INTU: variants seen among roughly 807,000 people sequenced by gnomAD.
INTU encodes the protein inturned planar cell polarity protein, also known as protein inturned.
Under a neutral mutation model 100.5 loss-of-function variants are expected in INTU, and 68 were observed. The ratio of observed to expected loss-of-function variants is 0.68; its 90% CI spans 0.56 to 0.83. INTU has a LOEUF of 0.83. INTU is among the 40% of genes least tolerant of loss of function. INTU has a pLI of 0.00. For synonymous variants in INTU, 357 were observed against 395.7 expected, an observed-to-expected ratio of 0.90 and a Z score of 1.16; for missense variants, 1,071 against 1,114.7, an observed-to-expected ratio of 0.96 and a Z score of 0.56.
Position 127,663,425 on chromosome 4 carries a change from G to A in INTU, c.813G>A (p.Thr271=), listed in dbSNP as rs4833380. 0.56 allele frequency: 898,923 copies of A among 1,610,662 alleles called. 254,856 individuals carry two copies. Among genetic ancestry groups the A allele is most frequent in the African/African-American group, 0.73 (54,664 of 74,892 alleles). Residue 271 remains threonine (T), a synonymous_variant, in exon 4 of 16, where the codon ACG becomes ACA. Coordinates refer to ENST00000335251, the MANE Select transcript of INTU (RefSeq NM_015693.4). The part of the protein sequence containing the change: ...FENAYDVKRE[T]SHPRQKKTQS... ...ATGCATATGATGTGAAAAGGGAGAC[G>A]TCCCATCCAAGACAGAAAAAGACAC...
In INTU at chr4:127,720,163, G is replaced by A. The variant is rs1731324740; in HGVS notation, c.*3727G>A. On this transcript the variant is annotated 3_prime_UTR_variant, in exon 16 of 16. Transcript: ENST00000335251. Reference sequence around the variant, plus strand: ...AACACTGCTTTAGCTATGCCCCAGAGATTCTGGTACATTGTCTCTTTGTTT... The same window carrying A: ...AACACTGCTTTAGCTATGCCCCAGAAATTCTGGTACATTGTCTCTTTGTTT... 1 of 152,120 alleles carries A rather than the reference G, an allele frequency of 6.6e-6. No homozygotes were observed. The highest frequency in any genetic ancestry group is 1.5e-5 in the Non-Finnish European group (1 of 68,026). 9.4% of individuals were successfully genotyped at this position (152,120 alleles called of 1,614,324 possible). A position where few individuals can be genotyped will look rare whatever the true frequency, so the allele number is the denominator to read the frequency against.
At chr4:127,639,395 A>G (rs1401207826) in intron 1 of INTU, among the ~76,000 whole-genome samples, 3 of 152,144 alleles carry the variant, frequency 2.0e-5, no homozygotes, top group Non-Finnish European at 4.4e-5. Context: ...CACTAAGTCT[A>G]TACTCAAGGG....
At chr4:127,698,890 T>C (rs1237018897) in intron 8 of INTU, among the ~76,000 whole-genome samples, 1 of 152,070 alleles carries the variant, frequency 6.6e-6, no homozygotes, top group Non-Finnish European at 1.5e-5. Context: ...GACAGACTAA[T>C]AGCCACAAAA....
At chr4:127,711,602 AG>A (rs1731098501) in intron 14 of INTU, among the ~76,000 whole-genome samples, 1 of 152,200 alleles carries the variant, frequency 6.6e-6, no homozygotes, top group African/African-American at 2.4e-5. Context: ...GTGGCGGGCC[AG>A]GGAGCCTTAC....
Position 127,632,962 on chromosome 4 carries a change from C to G in INTU, c.-73C>G, listed in dbSNP as rs1308090686. 1.3e-6 allele frequency: 2 copies of G among 1,492,928 alleles called. No individual in the cohort carries two copies. Among genetic ancestry groups the G allele is most frequent in the African/African-American group, 2.7e-5 (2 of 72,776 alleles). 92.5% of individuals were successfully genotyped at this position (1,492,928 alleles called of 1,614,324 possible). ...GCCTCTGCCCCTTCCCAAGCAGAGG[C>G]AACATGGCGGCCTTAGCAAGCTATA... On this transcript the variant is annotated 5_prime_UTR_variant, in exon 1 of 16. Transcript: ENST00000335251.
chr4:127,675,249 A>C (rs577005526), intron 6 of INTU, among the ~76,000 whole-genome samples: 1 of 152,214 alleles, frequency 6.6e-6, no homozygotes, highest in African/African-American at 2.4e-5. Context: ...TCAAATATCA[A>C]AATAAATACT....
intron 1 of INTU, among the ~76,000 whole-genome samples, chr4:127,635,738 C>T (rs1001427094): frequency 2.0e-5 from 3 of 152,096 alleles, no homozygotes; most frequent in South Asian, 2.1e-4. Flanking sequence ...AACATGTATA[C>T]GTCTGTCAAG....
In INTU at chr4:127,669,089, T is replaced by A. The variant is rs1283575625; in HGVS notation, c.1026T>A (p.Ser342Arg). 2 of 1,553,858 alleles carry A rather than the reference T, an allele frequency of 1.3e-6. No homozygotes were observed. Among genetic ancestry groups the A allele is most frequent in the East Asian group, 4.7e-5 (2 of 42,586 alleles). The change falls in exon 5 of 16, where the codon AGT becomes AGA. Residue 342 changes from serine to arginine, a missense_variant. Transcript: ENST00000335251. ...CTGAAGCATCTCAGAAACTTAAAAGTGTGAGAGGGATTTTTCTCACACTCT... is the reference window on the plus strand; with the variant it reads ...CTGAAGCATCTCAGAAACTTAAAAGAGTGAGAGGGATTTTTCTCACACTCT... ...PMSEASQKLK[S>R]VRGIFLTLCD... is the part of the protein sequence containing the mutation.
rs893834942 is a variant in INTU, at chr4:127,669,479, T to C, written c.1091+325T>C. Among the ~76,000 whole-genome samples the C allele has an allele frequency of 3.3e-5, 5 of 151,982 alleles. No homozygotes were observed. In the South Asian group the frequency reaches 1.0e-3, roughly 31 times the overall value. Reference sequence around the variant, plus strand: ...CACTCGGGCCTATATTTATTATTTCTTCATGAAGATGTATCTTTTAAGCAT... The same window carrying C: ...CACTCGGGCCTATATTTATTATTTCCTCATGAAGATGTATCTTTTAAGCAT... On this transcript the variant is annotated intron_variant, in intron 5 of 15. Transcript: ENST00000335251.
intron 1 of INTU, among the ~76,000 whole-genome samples, chr4:127,643,025 G>A (rs1002065142): frequency 2.0e-5 from 3 of 152,014 alleles, no homozygotes; most frequent in African/African-American, 7.2e-5. Flanking sequence ...TGTTAAAGCT[G>A]GCTTTAGCTT....
In INTU at chr4:127,700,772, T is replaced by TAA. The variant is rs370306956; in HGVS notation, c.1503+722_1503+723dup. On this transcript the variant is annotated intron_variant, in intron 9 of 15. Transcript: ENST00000335251. ...TAAGCTCATGAGTGCATAATGATAC[T>TAA]AAAAAAAAAAAAAAGGAAACTTACT... 2.1e-3 allele frequency among the ~76,000 whole-genome samples: 283 copies of TAA among 137,780 alleles called. 3 individuals carry two copies. Among genetic ancestry groups the TAA allele is most frequent in the African/African-American group, 6.8e-3 (261 of 38,256 alleles). The allele number at this position is 137,780 out of a possible 152,430, so 90.4% of individuals were successfully genotyped here.
chr4:127,699,644 G>C (rs1015958164), intron 8 of INTU, among the ~76,000 whole-genome samples: 4 of 152,136 alleles, frequency 2.6e-5, no homozygotes, highest in Non-Finnish European at 5.9e-5. Flanking sequence ...GAAATCAAAA[G>C]GGTTAAATTA....
At chr4:127,646,047 T>C (rs914884825) in intron 2 of INTU, among the ~76,000 whole-genome samples, 2 of 151,846 alleles carry the variant, frequency 1.3e-5, no homozygotes, top group South Asian at 4.2e-4. Flanking sequence ...AGCTGGGCCT[T>C]GTGGTGCATG....
intron 4 of INTU, among the ~76,000 whole-genome samples, chr4:127,668,583 T>C (rs1030384373): frequency 6.6e-6 from 1 of 151,842 alleles, no homozygotes; most frequent in Non-Finnish European, 1.5e-5. Flanking sequence ...ATATTGTCTT[T>C]TAAAAAATAA....
chr4:127,676,881 G>A (rs1313434873), intron 6 of INTU, among the ~76,000 whole-genome samples: 4 of 152,100 alleles, frequency 2.6e-5, no homozygotes, highest in East Asian at 1.9e-4. Context: ...CTGGAAAATC[G>A]GGTCACTCCC....
chr4:127,687,613 G>C (rs1190663352), intron 7 of INTU, 65 bp from the exon 8 acceptor site: 6 of 1,299,558 alleles, frequency 4.6e-6, no homozygotes, highest in African/African-American at 2.9e-5. Flanking sequence ...AGTTCCCTTA[G>C]GAGCACACAA....
chr4:127,700,129 C>T, intron 9 of INTU, 66 bp downstream of exon 9: 2 of 1,201,888 alleles, frequency 1.7e-6, no homozygotes, highest in East Asian at 2.4e-5. Flanking sequence ...AGTCATTATT[C>T]TAAATATTTA....
chr4:127,642,848 CTT>C (rs201935602), intron 1 of INTU, among the ~76,000 whole-genome samples: 2 of 143,804 alleles, frequency 1.4e-5, no homozygotes, highest in African/African-American at 5.1e-5. Context: ...GTAATATGTG[CTT>C]TTTTTTTTCT....
At chr4:127,670,518 A>G (rs1017994816) in intron 5 of INTU, among the ~76,000 whole-genome samples, 5 of 151,998 alleles carry the variant, frequency 3.3e-5, no homozygotes, top group Non-Finnish European at 7.4e-5. Context: ...TCATAAAAGC[A>G]TATTGCAGGC....
Sources: gnomAD v4.1 joint callset for allele counts (sites outside exome capture counted in the v4.1 genomes callset) on GRCh38, gnomAD v4.1.1 for gene constraint, MANE v1.5 for transcripts, NCBI Gene and HGNC (gene_info 2026-07-23, HGNC 2026-07-21) for gene names.